The following ADAMTS18 variants were observed in gnomAD, a reference collection of about 807,000 sequenced individuals.
ADAMTS18 encodes the protein ADAM metallopeptidase with thrombospondin type 1 motif 18.
In ADAMTS18, 157 loss-of-function variants were observed where a neutral mutation model predicts 165.9. The ratio of observed to expected loss-of-function variants is 0.95; its 90% CI spans 0.83 to 1.08. ADAMTS18 has a LOEUF of 1.08. Ranked by LOEUF, ADAMTS18 falls within the 50% of genes least tolerant of loss-of-function variation. The pLI is 0.00. For synonymous variants in ADAMTS18, 782 were observed against 578.2 expected (o/e 1.35, Z -5.06); for missense variants, 2,040 against 1,534.0 (o/e 1.33, Z -5.51).
intron 3 of ADAMTS18, among the ~76,000 whole-genome samples, chr16:77,409,049 T>C (rs1027067115): frequency 2.6e-5 from 4 of 152,172 alleles, no homozygotes; most frequent in South Asian, 4.1e-4. Context: ...TGTATATATA[T>C]ACACACATAT....
At chr16:77,414,636 A>G (rs2057506581) in intron 3 of ADAMTS18, among the ~76,000 whole-genome samples, 1 of 152,176 alleles carries the variant, frequency 6.6e-6, no homozygotes, top group Non-Finnish European at 1.5e-5. Context: ...CACACATCAC[A>G]AAAAAGAAAT....
chr16:77,302,831 T>C (rs766042770), intron 16 of ADAMTS18, among the ~76,000 whole-genome samples: 2 of 152,216 alleles, frequency 1.3e-5, no homozygotes, highest in Non-Finnish European at 1.5e-5. Flanking sequence ...GTGGTTTCAC[T>C]GCAAAACATT....
At chr16:77,372,880 G>C (rs923769670) in intron 3 of ADAMTS18, among the ~76,000 whole-genome samples, 2 of 152,110 alleles carry the variant, frequency 1.3e-5, no homozygotes, top group Non-Finnish European at 2.9e-5. Flanking sequence ...TCCTTGTCCA[G>C]CACTAATCAA....
intron 16 of ADAMTS18, among the ~76,000 whole-genome samples, chr16:77,314,270 T>C (rs1219733531): frequency 1.3e-5 from 2 of 152,118 alleles, no homozygotes; most frequent in Non-Finnish European, 2.9e-5. Flanking sequence ...AAAATTCATA[T>C]GTATAAGTCA....
intron 22 of ADAMTS18, among the ~76,000 whole-genome samples, chr16:77,284,282 A>T (rs1262098745): frequency 6.6e-6 from 1 of 151,810 alleles, no homozygotes; most frequent in Non-Finnish European, 1.5e-5. Flanking sequence ...AGTGCCACCA[A>T]GCCCAGCTAA....
intron 3 of ADAMTS18, among the ~76,000 whole-genome samples, chr16:77,418,815 A>C (rs2057563274): frequency 6.6e-6 from 1 of 152,196 alleles, no homozygotes; most frequent in Non-Finnish European, 1.5e-5. Context: ...TTTGTTTTCT[A>C]TTGCTGCCTA....
intron 3 of ADAMTS18, among the ~76,000 whole-genome samples, chr16:77,368,035 G>T (rs2056824385): frequency 1.3e-5 from 2 of 152,122 alleles, no homozygotes; most frequent in South Asian, 4.1e-4. Context: ...TGCTACCACG[G>T]CCAAATCACT....
chr16:77,317,724 C>T (rs932077277), intron 16 of ADAMTS18, among the ~76,000 whole-genome samples: 4 of 152,194 alleles, frequency 2.6e-5, no homozygotes, highest in African/African-American at 9.7e-5. Context: ...CAAACTCCCA[C>T]ACACTGGGTA....
At chr16:77,408,950 A>G (rs547675908) in intron 3 of ADAMTS18, among the ~76,000 whole-genome samples, 9 of 152,266 alleles carry the variant, frequency 5.9e-5, no homozygotes, top group African/African-American at 1.9e-4. Context: ...CATAACTTTT[A>G]ATACAGTATA....
chr16:77,311,152 A>G (rs978990695), intron 16 of ADAMTS18, among the ~76,000 whole-genome samples: 1 of 152,198 alleles, frequency 6.6e-6, no homozygotes, highest in African/African-American at 2.4e-5. Flanking sequence ...GTGTTGTGGA[A>G]AACATACACT....
At chr16:77,341,673 G>A (rs758397065) in intron 11 of ADAMTS18, 31 bp downstream of exon 11, 3 of 1,568,308 alleles carry the variant, frequency 1.9e-6, no homozygotes, top group African/African-American at 1.4e-5. Flanking sequence ...TCAAATTTCT[G>A]GAGCTAAAAA....
intron 3 of ADAMTS18, among the ~76,000 whole-genome samples, chr16:77,399,599 C>T (rs1051854416): frequency 1.3e-5 from 2 of 152,152 alleles, no homozygotes; most frequent in African/African-American, 4.8e-5. Context: ...ATCACCCTGA[C>T]CTTTTGCTGT....
intron 2 of ADAMTS18, chr16:77,432,286 G>A (rs1341301653): frequency 6.6e-6 from 1 of 152,544 alleles, no homozygotes; most frequent in East Asian, 1.9e-4. Flanking sequence ...ATAAAATACA[G>A]TGCATGCACA....
Position 77,295,064 on chromosome 16 carries a change from C to T in ADAMTS18, c.2865G>A (p.Lys955=). ...AGGGCTTCTTTTGCACACACTGGAT[C>T]TTTCGGCTCTGCTGGCCTCCAGCAC... ...KACAGGQQSR[K]IQCVQKKPFQ... The change falls in exon 19 of 23, where the codon AAG becomes AAA. Residue 955 remains lysine, a synonymous_variant. Coordinates refer to ENST00000282849, the MANE Select transcript of ADAMTS18 (RefSeq NM_199355.4). The T allele has an allele frequency of 1.2e-6, 2 of 1,614,178 alleles. No homozygotes were observed. The highest frequency in any genetic ancestry group is 1.7e-6 in the Non-Finnish European group (2 of 1,180,022).
At chr16:77,408,940 C>T (rs530539541) in intron 3 of ADAMTS18, among the ~76,000 whole-genome samples, 1 of 152,060 alleles carries the variant, frequency 6.6e-6, no homozygotes, top group African/African-American at 2.4e-5. Context: ...GCCATAGTCA[C>T]ATAACTTTTA....
intron 10 of ADAMTS18, among the ~76,000 whole-genome samples, chr16:77,345,872 T>G (rs1282498277): frequency 2.0e-5 from 3 of 152,208 alleles, no homozygotes; most frequent in Admixed American, 1.3e-4. Flanking sequence ...AACCCTGTTA[T>G]GTCTTGTCAA....
chr16:77,365,600 C>G (rs1330564442), intron 4 of ADAMTS18, among the ~76,000 whole-genome samples: 2 of 152,180 alleles, frequency 1.3e-5, no homozygotes, highest in East Asian at 3.9e-4. Context: ...CTGGCCATAG[C>G]CATTGAGCAG....
intron 10 of ADAMTS18, among the ~76,000 whole-genome samples, chr16:77,348,434 C>G (rs961262296): frequency 1.4e-4 from 22 of 152,176 alleles, no homozygotes; most frequent in Non-Finnish European, 2.8e-4. Context: ...AGGCAACCTC[C>G]AGGGTGGCAG....
At chr16:77,304,951 G>A (rs1044413175) in intron 16 of ADAMTS18, among the ~76,000 whole-genome samples, 1 of 152,176 alleles carries the variant, frequency 6.6e-6, no homozygotes, top group African/African-American at 2.4e-5. Context: ...CTCAAGGTTT[G>A]CCTTTAATGT....
Sources: gnomAD v4.1 joint callset for allele counts (sites outside exome capture counted in the v4.1 genomes callset) on GRCh38, gnomAD v4.1.1 for gene constraint, MANE v1.5 for transcripts, NCBI Gene and HGNC (gene_info 2026-07-23, HGNC 2026-07-21) for gene names.